Variants in MDFIC observed in about 807,000 individuals in gnomAD.
MDFIC encodes the protein MyoD family inhibitor domain containing.
In MDFIC, 17 loss-of-function variants were observed where a neutral mutation model predicts 23.2. The ratio of observed to expected loss-of-function variants is 0.73; its 90% CI spans 0.50 to 1.10. MDFIC has a LOEUF of 1.10. Ranked by LOEUF, MDFIC falls within the 50% of genes least tolerant of loss-of-function variation. MDFIC has a pLI of 0.00. For synonymous variants in MDFIC, 120 were observed against 115.2 expected (o/e 1.04, Z -0.27); for missense variants, 356 against 316.6 (o/e 1.12, Z -0.95).
Position 114,992,752 on chromosome 7 carries a change from A to G in MDFIC, c.493+12971A>G, listed in dbSNP as rs2945005. On this transcript the variant is annotated intron_variant, in intron 4 of 4. Transcript: ENST00000393486. ...GATGTGCTTCTGGATTCGGTTTGCCAGTATTTTACTGAGGATTTTTGCATA... is the reference window on the plus strand; with the variant it reads ...GATGTGCTTCTGGATTCGGTTTGCCGGTATTTTACTGAGGATTTTTGCATA... Among the ~76,000 whole-genome samples, 539 of 152,306 alleles carry G rather than the reference A, an allele frequency of 3.5e-3. 3 individuals are homozygous for G. The highest frequency in any genetic ancestry group is 0.01 in the African/African-American group (434 of 41,564).
chr7:114,981,879 T>G (rs1793423141), intron 4 of MDFIC, among the ~76,000 whole-genome samples: 1 of 152,176 alleles, frequency 6.6e-6, no homozygotes, highest in South Asian at 2.1e-4. Context: ...TTATGTTTAT[T>G]CTCTGGCAAT....
chr7:115,005,899 A>G (rs770158086), intron 4 of MDFIC, among the ~76,000 whole-genome samples: 11 of 152,198 alleles, frequency 7.2e-5, no homozygotes, highest in Non-Finnish European at 1.6e-4. Flanking sequence ...TCACAAATTA[A>G]TTCCATAAAT....
intron 2 of MDFIC, among the ~76,000 whole-genome samples, chr7:114,933,637 T>TCAGA (rs1338171446): frequency 6.6e-6 from 1 of 152,182 alleles, no homozygotes; most frequent in Non-Finnish European, 1.5e-5. Context: ...ATTTTGGCAA[T>TCAGA]CAGACAACCT....
At chr7:115,003,318 C>T (rs570411416) in intron 4 of MDFIC, among the ~76,000 whole-genome samples, 11 of 152,278 alleles carry the variant, frequency 7.2e-5, no homozygotes, top group African/African-American at 2.6e-4. Flanking sequence ...CTAACTACCA[C>T]GCAAACTCCA....
intron 2 of MDFIC, among the ~76,000 whole-genome samples, chr7:114,934,352 A>T (rs1365944544): frequency 6.6e-6 from 1 of 152,176 alleles, no homozygotes; most frequent in East Asian, 1.9e-4. Flanking sequence ...GAAGTACAGG[A>T]TTCTTCCTTC....
chr7:114,934,484 T>C (rs981920098), intron 2 of MDFIC, among the ~76,000 whole-genome samples: 6 of 152,236 alleles, frequency 3.9e-5, no homozygotes, highest in African/African-American at 1.4e-4. Context: ...GTAATTTGTT[T>C]TCTAATTTGC....
chr7:114,947,612 C>G (rs1036028760), intron 3 of MDFIC, among the ~76,000 whole-genome samples: 1 of 152,134 alleles, frequency 6.6e-6, no homozygotes, highest in Non-Finnish European at 1.5e-5. Flanking sequence ...TGCCCAGAAG[C>G]TGGGGAGAAC....
chr7:114,994,639 G>C lies in MDFIC; in HGVS notation c.493+14858G>C, dbSNP rs190614519. ...AATTTGGCTGTATATGAAATTCTGGGTTGAAAATTCTTTTCTTTAAGAATG... is the reference window on the plus strand; with the variant it reads ...AATTTGGCTGTATATGAAATTCTGGCTTGAAAATTCTTTTCTTTAAGAATG... On this transcript the variant is annotated intron_variant, in intron 4 of 4. Coordinates refer to ENST00000393486, the MANE Select transcript of MDFIC (RefSeq NM_001166345.3). Among the ~76,000 whole-genome samples the C allele has an allele frequency of 2.9e-3, 445 of 152,222 alleles. 4 individuals are homozygous for C. The highest frequency in any genetic ancestry group is 5.1e-3 in the Non-Finnish European group (348 of 68,014).
chr7:114,938,936 C>G (rs1283393634), intron 2 of MDFIC, among the ~76,000 whole-genome samples: 1 of 152,106 alleles, frequency 6.6e-6, no homozygotes, highest in Non-Finnish European at 1.5e-5. Context: ...TTACTAGAAA[C>G]TTCCATTTTG....
At chr7:114,939,179 A>G (rs1792491662) in intron 2 of MDFIC, among the ~76,000 whole-genome samples, 1 of 152,214 alleles carries the variant, frequency 6.6e-6, no homozygotes. Flanking sequence ...ACATGCATAT[A>G]TTAGAAAGTC....
intron 2 of MDFIC, among the ~76,000 whole-genome samples, chr7:114,929,539 A>G (rs1792269546): frequency 6.6e-6 from 1 of 152,102 alleles, no homozygotes; most frequent in African/African-American, 2.4e-5. Flanking sequence ...TGGGTAAAAT[A>G]TTTTATAAGG....
chr7:114,974,103 A>AGGAAGATT (rs1449163084), intron 3 of MDFIC, among the ~76,000 whole-genome samples: 1 of 152,160 alleles, frequency 6.6e-6, no homozygotes, highest in African/African-American at 2.4e-5. Context: ...CTCCATATTG[A>AGGAAGATT]GGAAGATTTG....
intron 3 of MDFIC, among the ~76,000 whole-genome samples, chr7:114,949,793 A>G (rs1012005171): frequency 3.4e-5 from 5 of 147,348 alleles, no homozygotes; most frequent in Non-Finnish European, 7.5e-5. Context: ...CAAACCCTAA[A>G]TGTGGGGAGG....
chr7:114,996,133 G>A (rs1791321956), intron 4 of MDFIC, among the ~76,000 whole-genome samples: 1 of 152,152 alleles, frequency 6.6e-6, no homozygotes, highest in African/African-American at 2.4e-5. Flanking sequence ...GACATGATCT[G>A]ACTTACTATT....
chr7:114,932,412 A>G (rs1385305877), intron 2 of MDFIC, among the ~76,000 whole-genome samples: 1 of 152,216 alleles, frequency 6.6e-6, no homozygotes, highest in East Asian at 1.9e-4. Context: ...AAAAGAAAAT[A>G]AAGAGTTGAA....
At chr7:114,939,537 T>C (rs1464134525) in intron 2 of MDFIC, among the ~76,000 whole-genome samples, 1 of 152,206 alleles carries the variant, frequency 6.6e-6, no homozygotes, top group Non-Finnish European at 1.5e-5. Flanking sequence ...CTTAAAAATG[T>C]GATAAATTGT....
chr7:115,015,628 C>T, intron 4 of MDFIC, 60 bp from the exon 5 acceptor site: 1 of 1,568,656 alleles, frequency 6.4e-7, no homozygotes, highest in Non-Finnish European at 8.7e-7. Context: ...CAATTGATAA[C>T]ACGTATTTTG....
At chr7:114,998,341 A>C (rs1791386482) in intron 4 of MDFIC, among the ~76,000 whole-genome samples, 1 of 152,208 alleles carries the variant, frequency 6.6e-6, no homozygotes, top group African/African-American at 2.4e-5. Context: ...GCTCATGTTA[A>C]ATAAAAATAT....
chr7:114,979,102 T>C, intron 3 of MDFIC, among the ~76,000 whole-genome samples: 1 of 152,156 alleles, frequency 6.6e-6, no homozygotes, highest in Non-Finnish European at 1.5e-5. Flanking sequence ...GACAATTGAG[T>C]AGTTTGTTAT....
Sources: allele counts gnomAD v4.1 joint callset (sites outside exome capture counted in the v4.1 genomes callset), GRCh38; gene constraint gnomAD v4.1.1; transcripts MANE v1.5; gene names NCBI Gene and HGNC (gene_info 2026-07-23, HGNC 2026-07-21).